Variants in ARHGAP6 observed in about 807,000 individuals in gnomAD.
ARHGAP6 encodes Rho GTPase activating protein 6, also known as rho GTPase-activating protein 6.
ARHGAP6 carries 16 observed loss-of-function variants against 55.7 expected under a neutral mutation model. That is an observed-to-expected ratio of 0.29 (90% CI 0.19 to 0.44). The LOEUF is 0.44. ARHGAP6 is among the 20% of genes least tolerant of loss of function. ARHGAP6 has a pLI of 1.00. For synonymous variants in ARHGAP6, 382 were observed against 360.9 expected, an observed-to-expected ratio of 1.06 and a Z score of -0.66; for missense variants, 698 against 808.9, an observed-to-expected ratio of 0.86 and a Z score of 1.66.
chrX:11,515,873 C>A (rs1201292210), intron 1 of ARHGAP6, among the ~76,000 whole-genome samples: 1 of 112,769 alleles, frequency 8.9e-6, no homozygotes, highest in Non-Finnish European at 1.9e-5. Flanking sequence ...AAAGTGAAGA[C>A]TAAATTACTA....
intron 12 of ARHGAP6, among the ~76,000 whole-genome samples, chrX:11,140,482 C>T (rs1302171116): frequency 9.1e-6 from 1 of 109,494 alleles, no homozygotes; most frequent in Non-Finnish European, 1.9e-5. Flanking sequence ...TCTTTGCTTT[C>T]CCCCTTCCCT....
intron 1 of ARHGAP6, among the ~76,000 whole-genome samples, chrX:11,598,565 A>G (rs2051931468): frequency 9.0e-6 from 1 of 111,297 alleles, no homozygotes; most frequent in Non-Finnish European, 1.9e-5. Flanking sequence ...TATGTGCTCA[A>G]TATTTAGCTC....
intron 1 of ARHGAP6, among the ~76,000 whole-genome samples, chrX:11,391,146 G>T (rs768750784): frequency 4.5e-5 from 5 of 111,804 alleles, no homozygotes; most frequent in African/African-American, 6.5e-5. Context: ...GAAAAACGAT[G>T]AGTTCATGTC....
At chrX:11,597,026 C>G (rs1414767284) in intron 1 of ARHGAP6, among the ~76,000 whole-genome samples, 4 of 111,816 alleles carry the variant, frequency 3.6e-5, no homozygotes, top group South Asian at 3.7e-4. Flanking sequence ...CTCCTTCCCC[C>G]ACTCAGTCCC....
intron 10 of ARHGAP6, among the ~76,000 whole-genome samples, chrX:11,150,128 T>G (rs2045753804): frequency 8.9e-6 from 1 of 111,918 alleles, no homozygotes; most frequent in Admixed American, 9.5e-5. Context: ...GATACTTTAC[T>G]TAGCCTTATT....
At chrX:11,207,652 C>T (rs760969120) in intron 2 of ARHGAP6, among the ~76,000 whole-genome samples, 15 of 112,045 alleles carry the variant, frequency 1.3e-4, no homozygotes, top group South Asian at 3.8e-4. Context: ...CATTGAGCAA[C>T]GGGCTGTTTT....
chrX:11,139,543 G>A lies in ARHGAP6; in HGVS notation c.2258-13C>T, dbSNP rs1251548199. 1.8e-6 allele frequency: 2 copies of A among 1,130,472 alleles called. No individual in the cohort carries two copies. Among genetic ancestry groups the A allele is most frequent in the Non-Finnish European group, 2.3e-6 (2 of 858,070 alleles). The allele number at this position is 1,130,472 out of a possible 1,213,427, so 93.2% of individuals were successfully genotyped here. ...TCTCCAGAGGAACCTGGAAGCCAGA[G>A]AGAAAGCCCAAGAAATGGAATCAGT... On this transcript the variant is annotated splice_polypyrimidine_tract_variant and intron_variant, in intron 12 of 12. Transcript: ENST00000337414.
chrX:11,279,467 T>G (rs1449034967), intron 1 of ARHGAP6, among the ~76,000 whole-genome samples: 4 of 111,766 alleles, frequency 3.6e-5, no homozygotes, highest in Admixed American at 1.9e-4. Flanking sequence ...AATGTTAACT[T>G]GAGAAGGAAC....
At chrX:11,302,747 T>G (rs904695579) in intron 1 of ARHGAP6, among the ~76,000 whole-genome samples, 1 of 110,470 alleles carries the variant, frequency 9.1e-6, no homozygotes, top group African/African-American at 3.3e-5. Flanking sequence ...TTACAATCAT[T>G]TAGAGAATGA....
At chrX:11,196,026 C>T (rs1212448494) in intron 3 of ARHGAP6, among the ~76,000 whole-genome samples, 1 of 100,495 alleles carries the variant, frequency 1.0e-5, no homozygotes, top group Non-Finnish European at 2.0e-5. Flanking sequence ...CCCAGCTACT[C>T]GGGAGGCTGA....
At chrX:11,213,927 T>C (rs1381183338) in intron 2 of ARHGAP6, among the ~76,000 whole-genome samples, 1 of 111,854 alleles carries the variant, frequency 8.9e-6, no homozygotes, top group Non-Finnish European at 1.9e-5. Flanking sequence ...TGGGTCAAAA[T>C]TAAAGGGTTT....
intron 1 of ARHGAP6, among the ~76,000 whole-genome samples, chrX:11,546,516 T>C (rs1428260029): frequency 8.9e-6 from 1 of 112,140 alleles, no homozygotes; most frequent in Non-Finnish European, 1.9e-5. Flanking sequence ...TTTCAGCTAA[T>C]TCTATTAGAC....
chrX:11,281,724 G>A (rs191562164), intron 1 of ARHGAP6, among the ~76,000 whole-genome samples: 1 of 111,649 alleles, frequency 9.0e-6, no homozygotes, highest in East Asian at 2.8e-4. Context: ...GGTTATTAGT[G>A]GCCATCACTG....
chrX:11,646,098 G>A lies in ARHGAP6; in HGVS notation c.588+18143C>T, dbSNP rs148859081. Reference sequence around the variant, plus strand: ...CAAAGGGGAAGCAAGGACCTTCTTTGCATGGTGGCAGGAAAGAGAAAAGCG... The same window carrying A: ...CAAAGGGGAAGCAAGGACCTTCTTTACATGGTGGCAGGAAAGAGAAAAGCG... On this transcript the variant is annotated intron_variant, in intron 1 of 12. Coordinates refer to ENST00000337414, the MANE Select transcript of ARHGAP6 (RefSeq NM_013427.3). 5.3e-3 allele frequency among the ~76,000 whole-genome samples: 593 copies of A among 111,328 alleles called. 1 individual carries two copies. Among genetic ancestry groups the A allele is most frequent in the African/African-American group, 0.018 (566 of 30,630 alleles).
intron 1 of ARHGAP6, among the ~76,000 whole-genome samples, chrX:11,570,436 CAATAAT>C (rs1334083125): frequency 9.0e-6 from 1 of 110,798 alleles, no homozygotes; most frequent in Non-Finnish European, 1.9e-5. Context: ...TTGGAGATAA[CAATAAT>C]AATAATAATG....
At chrX:11,490,816 G>A (rs912659103) in intron 1 of ARHGAP6, among the ~76,000 whole-genome samples, 4 of 112,200 alleles carry the variant, frequency 3.6e-5, no homozygotes, top group African/African-American at 1.3e-4. Flanking sequence ...AACCATGCTA[G>A]AATTATTTTA....
intron 3 of ARHGAP6, among the ~76,000 whole-genome samples, chrX:11,194,871 G>A (rs1434655904): frequency 8.9e-6 from 1 of 111,803 alleles, no homozygotes; most frequent in Admixed American, 9.5e-5. Context: ...TGATCCCAAT[G>A]CATGTTTTAA....
chrX:11,232,472 A>C (rs3926351), intron 2 of ARHGAP6, among the ~76,000 whole-genome samples: 31,795 of 104,306 alleles, frequency 0.3, 3,680 homozygotes, highest in Middle Eastern at 0.42. Flanking sequence ...AATACACACA[A>C]AAAAAAAAAA....
At chrX:11,610,974 G>A (rs1296631676) in intron 1 of ARHGAP6, among the ~76,000 whole-genome samples, 2 of 112,388 alleles carry the variant, frequency 1.8e-5, no homozygotes, top group East Asian at 2.8e-4. Context: ...TGTTTTCAAA[G>A]TTCATCTATG....
Sources: allele counts gnomAD v4.1 joint callset (sites outside exome capture counted in the v4.1 genomes callset), GRCh38; gene constraint gnomAD v4.1.1; transcripts MANE v1.5; gene names NCBI Gene and HGNC (gene_info 2026-07-23, HGNC 2026-07-21).